TMEM38A: variants seen among roughly 807,000 people sequenced by gnomAD.
The protein encoded by TMEM38A is trimeric intracellular cation channel type A.
Under a neutral mutation model 28.6 loss-of-function variants are expected in TMEM38A, and 17 were observed. That is an observed-to-expected ratio of 0.60 (90% CI 0.41 to 0.89). The LOEUF (loss-of-function observed/expected upper bound fraction) is 0.89. Ranked by LOEUF, TMEM38A falls within the 40% of genes least tolerant of loss-of-function variation. The pLI is 0.00. For missense variants in TMEM38A, 328 were observed against 393.1 expected, an observed-to-expected ratio of 0.83 and a Z score of 1.40; for synonymous variants, 169 against 166.1, an observed-to-expected ratio of 1.02 and a Z score of -0.14.
rs900099112 is a variant in TMEM38A at position 16,689,953 on chromosome 19, G to A, written c.*1582G>A. On this transcript the variant is annotated 3_prime_UTR_variant, in exon 6 of 6. Transcript: ENST00000187762. ...GCCTGGGAGTTAGGTGGGTCCTGGG[G>A]AGGTTTCATCCTCTTGCTTGTCCAC... 1.3e-5 allele frequency: 2 copies of A among 152,234 alleles called. No homozygotes were observed. The highest frequency in any genetic ancestry group is 4.8e-5 in the African/African-American group (2 of 41,438). The allele number at this position is 152,234 out of a possible 1,614,324, so 9.4% of individuals were successfully genotyped here. A position where few individuals can be genotyped will look rare whatever the true frequency, so the allele number is the denominator to read the frequency against.
intron 5 of TMEM38A, among the ~76,000 whole-genome samples, chr19:16,686,653 C>T (rs2306844): frequency 0.077 from 11,773 of 152,006 alleles, 622 homozygotes; most frequent in East Asian, 0.27. Context: ...TCAAGGTGGG[C>T]CCACTCTCTT....
intron 3 of TMEM38A, 155 bp downstream of exon 3, chr19:16,680,736 AC>A (rs1438244071): frequency 7.7e-6 from 5 of 648,616 alleles, no homozygotes; most frequent in Non-Finnish European, 1.3e-5. Flanking sequence ...ATCAGCCGAT[AC>A]CTTTAGGGTA....
In TMEM38A at chr19:16,689,003, CAAAAA is replaced by C. The variant is rs3033525; in HGVS notation, c.*645_*649del. The C allele has an allele frequency of 7.0e-5, 10 of 142,596 alleles. No individual in the cohort carries two copies. Among genetic ancestry groups the C allele is most frequent in the African/African-American group, 1.5e-4 (6 of 39,482 alleles). The allele number at this position is 142,596 out of a possible 1,614,324, so 8.8% of individuals were successfully genotyped here. Reference sequence around the variant, plus strand: ...ACCTGTCTCCAGCAAGACCCTGTCTCAAAAAAAAAAAAAAAAATTGCATATTGACT... The same window carrying C: ...ACCTGTCTCCAGCAAGACCCTGTCTCAAAAAAAAAAAATTGCATATTGACT... On this transcript the variant is annotated 3_prime_UTR_variant, in exon 6 of 6. Transcript: ENST00000187762.
At chr19:16,674,245 C>T (rs1321240479) in intron 1 of TMEM38A, among the ~76,000 whole-genome samples, 5 of 151,714 alleles carry the variant, frequency 3.3e-5, no homozygotes, top group Non-Finnish European at 4.4e-5. Context: ...CTTAGCTAGG[C>T]GTGGTGGCAG....
At chr19:16,688,116 T>TGTCTCCCTCTGTCTCTCTC in intron 5 of TMEM38A, 28 bp from the exon 6 acceptor site, 1 of 1,405,104 alleles carries the variant, frequency 7.1e-7, no homozygotes, top group Middle Eastern at 1.9e-4. Flanking sequence ...CTGTCTCTCT[T>TGTCTCCCTCTGTCTCTCTC]GCTGTCTCCC....
In TMEM38A at chr19:16,686,324, C is replaced by T; in HGVS notation, c.591C>T (p.Phe197=). 1 of 1,613,306 alleles carries T rather than the reference C, an allele frequency of 6.2e-7. No individual in the cohort carries two copies. The highest frequency in any genetic ancestry group is 8.5e-7 in the Non-Finnish European group (1 of 1,179,992). Residue 197 remains phenylalanine, a synonymous_variant, in exon 5 of 6, where the codon TTC becomes TTT. Transcript: ENST00000187762. ...TKASLYGAIL[F]TLQQTRWLPV... The stretch of plus-strand genomic sequence containing the variant: ...CCAGCCTGTATGGAGCCATCCTCTT[C>T]ACCCTCCAGCAGACCCGCTGGCTCC...
intron 4 of TMEM38A, among the ~76,000 whole-genome samples, chr19:16,683,592 CAA>C (rs558424228): frequency 8.0e-4 from 65 of 80,892 alleles, no homozygotes; most frequent in Non-Finnish European, 9.6e-4. Flanking sequence ...GACCTTGTCT[CAA>C]AAAAAAAAAA....
rs532547872 is a variant in TMEM38A at position 16,679,985 on chromosome 19, A to G, written c.126A>G (p.Gly42=). Residue 42 remains glycine (G), a splice_region_variant and synonymous_variant, in exon 2 of 6, where the codon GGA becomes GGG. Coordinates refer to ENST00000187762, the MANE Select transcript of TMEM38A (RefSeq NM_024074.4). ...GGGGGACACTCCTGTGCCTCCCAGG[A>G]GCAGTCGAACTGTCCCGGCGCCACC... ...VSILYLKYEP[G]AVELSRRHPI... is the part of the protein sequence containing the mutation. 1 of 1,601,238 alleles carries G rather than the reference A, an allele frequency of 6.2e-7. No homozygotes were observed. Among genetic ancestry groups the G allele is most frequent in the South Asian group, 1.1e-5 (1 of 90,296 alleles).
chr19:16,667,718 G>A (rs965612282), intron 1 of TMEM38A, among the ~76,000 whole-genome samples: 2 of 151,956 alleles, frequency 1.3e-5, no homozygotes, highest in Non-Finnish European at 2.9e-5. Context: ...AATTAGCCAC[G>A]CATGGTGGTG....
chr19:16,679,182 A>AAAAAAG (rs371874925), intron 1 of TMEM38A, among the ~76,000 whole-genome samples: 10 of 139,902 alleles, frequency 7.1e-5, no homozygotes, highest in African/African-American at 2.8e-4. Context: ...AAAAAAAAAA[A>AAAAAAG]AAGAATACCA....
At chr19:16,678,632 G>A (rs778701607) in intron 1 of TMEM38A, among the ~76,000 whole-genome samples, 43 of 151,390 alleles carry the variant, frequency 2.8e-4, no homozygotes, top group Middle Eastern at 3.4e-3. Flanking sequence ...GCATGGTGGC[G>A]CGCGTGCCTG....
chr19:16,675,967 C>G lies in TMEM38A; in HGVS notation c.125-4017C>G, dbSNP rs146386099. ...TTTCAACATACGAATTTTGGAGAGA[C>G]AGAAACATTCTGTCCACAACAGACA... On this transcript the variant is annotated intron_variant, in intron 1 of 5. Coordinates refer to ENST00000187762, the MANE Select transcript of TMEM38A (RefSeq NM_024074.4). Among the ~76,000 whole-genome samples, 42 of 152,246 alleles carry G rather than the reference C, an allele frequency of 2.8e-4. No homozygotes were observed. The East Asian group carries it at 7.1e-3, about 26-fold the overall frequency.
At chr19:16,663,238 G>A (rs1473290662) in intron 1 of TMEM38A, among the ~76,000 whole-genome samples, 4 of 151,124 alleles carry the variant, frequency 2.6e-5, no homozygotes, top group Non-Finnish European at 5.9e-5. Context: ...CCGAGATCAC[G>A]CCATTGCACT....
intron 1 of TMEM38A, among the ~76,000 whole-genome samples, chr19:16,664,820 C>T (rs1182854208): frequency 6.6e-6 from 1 of 150,644 alleles, no homozygotes; most frequent in Non-Finnish European, 1.5e-5. Flanking sequence ...ACCCCACCGC[C>T]CTCCAGCCTG....
Position 16,661,288 on chromosome 19 carries a change from T to C in TMEM38A, c.71T>C (p.Val24Ala), listed in dbSNP as rs769129729. 2 of 1,599,468 alleles carry C rather than the reference T, an allele frequency of 1.3e-6. No homozygotes were observed. The highest frequency in any genetic ancestry group is 1.7e-6 in the Non-Finnish European group (2 of 1,173,622). ...TTCTCGCGGGTGCCGCTCTTCCCCG[T>C]CTTCGACCTCAGTTACTTCATCGTC... ...LSFSRVPLFP[V>A]FDLSYFIVSI... The change falls in exon 1 of 6, where the codon GTC becomes GCC. Residue 24 changes from valine (V) to alanine (A), a missense_variant. Coordinates refer to ENST00000187762, the MANE Select transcript of TMEM38A (RefSeq NM_024074.4). This position sits in a 1 kb window ranked among gnomAD's most constrained non-coding sequence, Gnocchi z 6.5.
rs773815669 is a variant in TMEM38A at position 16,682,416 on chromosome 19, T to C, written c.467-5T>C. On this transcript the variant is annotated splice_region_variant and splice_polypyrimidine_tract_variant and intron_variant, in intron 3 of 5. Transcript: ENST00000187762. ...GGGCTTGTTCAGAAGCACCCTGTCC[T>C]GTAGGTTCTGGTGTCGCCCTCATGT... The C allele has an allele frequency of 3.1e-6, 5 of 1,613,838 alleles. No homozygotes were observed. In the Admixed American group the frequency reaches 6.7e-5, roughly 22 times the overall value.
intron 1 of TMEM38A, among the ~76,000 whole-genome samples, chr19:16,664,479 G>A (rs2086695138): frequency 6.6e-6 from 1 of 152,160 alleles, no homozygotes; most frequent in East Asian, 1.9e-4. Flanking sequence ...GTTAGTCCCA[G>A]TTTGGTGTGC....
At position 16,680,418 on chromosome 19, in the gene TMEM38A, CCTGGACCT is replaced by C. The variant is rs751863892; in HGVS notation, c.306_313del (p.Asp103LeufsTer61). ...AAAGGTACTTGATTTTCTTCTGCCC[CCTGGACCT>C]CTTCTACAAGTGTGTCTGCTTCCTG... On this transcript the variant is annotated frameshift_variant, in exon 3 of 6. Transcript: ENST00000187762. LOFTEE classifies it high-confidence loss of function. 1 of 1,614,162 alleles carries C rather than the reference CCTGGACCT, an allele frequency of 6.2e-7. No individual in the cohort carries two copies. Among genetic ancestry groups the C allele is most frequent in the Non-Finnish European group, 8.5e-7 (1 of 1,180,034 alleles).
intron 3 of TMEM38A, 145 bp from the exon 4 acceptor site, chr19:16,682,276 C>T: frequency 3.1e-6 from 2 of 655,386 alleles, no homozygotes; most frequent in Non-Finnish European, 2.7e-6. Context: ...GTTTCCCCAC[C>T]TGCAGCTGAT....
Sources: gnomAD v4.1 joint callset for allele counts (sites outside exome capture counted in the v4.1 genomes callset) on GRCh38, gnomAD v4.1.1 for gene constraint, Gnocchi (gnomAD v3.1) non-coding constraint, MANE v1.5 for transcripts, NCBI Gene and HGNC (gene_info 2026-07-23, HGNC 2026-07-21) for gene names.